CASK: variants seen among roughly 807,000 people sequenced by gnomAD.
CASK encodes the protein calcium/calmodulin dependent serine protein kinase.
CASK carries 4 observed loss-of-function variants against 82.9 expected under a neutral mutation model. The observed-to-expected ratio is 0.05, with a 90% CI of 0.02 to 0.11. The LOEUF is 0.11. Ranked by LOEUF, CASK falls within the 10% of genes least tolerant of loss-of-function variation. The pLI is 1.00. For synonymous variants in CASK, 259 were observed against 253.5 expected, an observed-to-expected ratio of 1.02 and a Z score of -0.20; for missense variants, 358 against 720.9, an observed-to-expected ratio of 0.50 and a Z score of 5.76.
intron 2 of CASK, among the ~76,000 whole-genome samples, chrX:41,825,237 A>G (rs1005683859): frequency 3.6e-5 from 4 of 111,677 alleles, no homozygotes; most frequent in African/African-American, 1.3e-4. Context: ...TTAAAAAGTC[A>G]AAAGAAACAC....
At chrX:41,531,823 A>G (rs2064807656) in intron 24 of CASK, among the ~76,000 whole-genome samples, 1 of 112,537 alleles carries the variant, frequency 8.9e-6, no homozygotes, top group Non-Finnish European at 1.9e-5. Flanking sequence ...GACACGTTAC[A>G]CTGAAAACAC....
chrX:41,879,040 G>A (rs2071892071), intron 1 of CASK, among the ~76,000 whole-genome samples: 1 of 111,309 alleles, frequency 9.0e-6, no homozygotes, highest in Non-Finnish European at 1.9e-5. Flanking sequence ...CTGTATACAG[G>A]TAAAGGACAG....
chrX:41,779,165 A>C (rs1441650008), intron 3 of CASK, among the ~76,000 whole-genome samples: 2 of 112,122 alleles, frequency 1.8e-5, no homozygotes, highest in Non-Finnish European at 3.8e-5. Context: ...TTGTGCTAAC[A>C]ATGTGATTTA....
chrX:41,750,383 G>A (rs781030416), intron 3 of CASK, among the ~76,000 whole-genome samples: 2 of 111,756 alleles, frequency 1.8e-5, no homozygotes, highest in South Asian at 7.5e-4. Context: ...AAACTGACAA[G>A]GCATCTTTTA....
At chrX:41,831,811 A>G (rs1328209203) in intron 2 of CASK, among the ~76,000 whole-genome samples, 4 of 110,360 alleles carry the variant, frequency 3.6e-5, no homozygotes, top group Non-Finnish European at 7.6e-5. Context: ...ATACAAAAAA[A>G]TTAGCTGGGC....
chrX:41,896,224 A>G (rs1026221508), intron 1 of CASK, among the ~76,000 whole-genome samples: 2 of 112,092 alleles, frequency 1.8e-5, no homozygotes, highest in African/African-American at 6.5e-5. Flanking sequence ...AAGAACTGAT[A>G]GGCTCCCCAT....
intron 1 of CASK, among the ~76,000 whole-genome samples, chrX:41,856,721 G>A (rs1395868571): frequency 1.9e-5 from 2 of 107,115 alleles, no homozygotes; most frequent in Admixed American, 9.9e-5. Flanking sequence ...GTATGAACCC[G>A]GGAGGCGGAA....
intron 5 of CASK, among the ~76,000 whole-genome samples, chrX:41,721,668 T>C (rs1419342353): frequency 8.9e-6 from 1 of 112,142 alleles, no homozygotes. Context: ...TTAAAGCTAA[T>C]TTACTAATTG....
At chrX:41,766,158 A>G (rs1183442946) in intron 3 of CASK, among the ~76,000 whole-genome samples, 1 of 112,387 alleles carries the variant, frequency 8.9e-6, no homozygotes, top group Non-Finnish European at 1.9e-5. Flanking sequence ...CAAAACCACA[A>G]TGAGAAGAGT....
rs772076147 is a variant in CASK at position 41,917,415 on chromosome X, C to T, written c.59+5515G>A. On this transcript the variant is annotated intron_variant, in intron 1 of 26. Transcript: ENST00000378163. ...AGTTCCTTTAAATGCAGTGCTCCTA[C>T]CACATTTAAAATGTGAAAACGTTTA... Among the ~76,000 whole-genome samples the T allele has an allele frequency of 3.6e-5, 4 of 112,402 alleles. No individual in the cohort carries two copies. The East Asian group carries it at 1.1e-3, about 31-fold the overall frequency.
chrX:41,706,457 G>A (rs1172188805), intron 5 of CASK, among the ~76,000 whole-genome samples: 1 of 111,561 alleles, frequency 9.0e-6, no homozygotes, highest in East Asian at 2.8e-4. Flanking sequence ...CTCTGGTATT[G>A]AAGATGTCAA....
Position 41,644,333 on chromosome X carries a change from T to C in CASK, c.832-7672A>G, listed in dbSNP as rs750041757. The stretch of plus-strand genomic sequence containing the variant: ...TATTAGTTCCTCAAATTAATACTTT[T>C]GTAATTTCTTATGCCTGTCTTTACT... On this transcript the variant is annotated intron_variant, in intron 8 of 26. Coordinates refer to ENST00000378163, the MANE Select transcript of CASK (RefSeq NM_001367721.1). 3.6e-5 allele frequency among the ~76,000 whole-genome samples: 4 copies of C among 112,402 alleles called. No homozygotes were observed. In the South Asian group the frequency reaches 1.5e-3, roughly 41 times the overall value.
rs2064568497 is a variant in CASK, at chrX:41,517,397, G to C, written c.*3023C>G. ...AAGGCTACAATGTTATCTTGACACT[G>C]GGAAACTTCCAGATGAATTAAATTG... On this transcript the variant is annotated 3_prime_UTR_variant, in exon 27 of 27. Coordinates refer to ENST00000378163, the MANE Select transcript of CASK (RefSeq NM_001367721.1). 4 of 143,469 alleles carry C rather than the reference G, an allele frequency of 2.8e-5. No individual in the cohort carries two copies. In the South Asian group the frequency reaches 8.2e-4, roughly 29 times the overall value. The allele number at this position is 143,469 out of a possible 1,213,427, so 11.8% of individuals were successfully genotyped here.
At chrX:41,696,269 C>T (rs767810488) in intron 5 of CASK, 44 of 1,193,620 alleles carry the variant, frequency 3.7e-5, no homozygotes, top group South Asian at 2.6e-4. Flanking sequence ...ATAAGCATAA[C>T]GCAAAAGGAG....
rs182157039 is a variant in CASK, at chrX:41,713,841, G to T, written c.429+25543C>A. The stretch of plus-strand genomic sequence containing the variant: ...GATGAATAAAGTGGAAATCGATGGG[G>T]TTAAAACAAAGGTCATCACTATAGA... On this transcript the variant is annotated intron_variant, in intron 5 of 26. Transcript: ENST00000378163. Among the ~76,000 whole-genome samples, 6 of 111,791 alleles carry T rather than the reference G, an allele frequency of 5.4e-5. No individual in the cohort carries two copies. In the Admixed American group the frequency reaches 5.7e-4, roughly 11 times the overall value.
chrX:41,616,842 CGA>C, intron 11 of CASK, among the ~76,000 whole-genome samples: 1 of 111,802 alleles, frequency 8.9e-6, no homozygotes, highest in African/African-American at 3.2e-5. Context: ...CTCCTGACCT[CGA>C]GTGATCCGCC....
intron 2 of CASK, among the ~76,000 whole-genome samples, chrX:41,806,787 T>C (rs1333868236): frequency 1.8e-5 from 2 of 112,079 alleles, no homozygotes; most frequent in African/African-American, 6.5e-5. Context: ...AATGTGTGTG[T>C]ATGTATGTGT....
intron 2 of CASK, among the ~76,000 whole-genome samples, chrX:41,827,591 T>C (rs779434129): frequency 5.0e-4 from 56 of 111,914 alleles, no homozygotes; most frequent in African/African-American, 1.4e-3. Flanking sequence ...ACATATAAAT[T>C]TGGGGTGGGG....
chrX:41,583,289 GA>G (rs982441637), intron 14 of CASK, among the ~76,000 whole-genome samples: 1 of 110,541 alleles, frequency 9.0e-6, no homozygotes, highest in Non-Finnish European at 1.9e-5. Context: ...TGATTTTGAT[GA>G]AAAAAAAGGC....
Sources: gnomAD v4.1 joint callset for allele counts (sites outside exome capture counted in the v4.1 genomes callset) on GRCh38, gnomAD v4.1.1 for gene constraint, MANE v1.5 for transcripts, NCBI Gene and HGNC (gene_info 2026-07-23, HGNC 2026-07-21) for gene names.